The following PLXNA2 variants were observed in gnomAD, a reference collection of about 807,000 sequenced individuals.
PLXNA2 encodes the protein plexin-A2.
PLXNA2 carries 91 observed loss-of-function variants against 193.5 expected under a neutral mutation model. The ratio of observed to expected loss-of-function variants is 0.47; its 90% CI spans 0.40 to 0.56. PLXNA2 has a LOEUF of 0.56. PLXNA2 is among the 20% of genes least tolerant of loss of function. The pLI is 0.00. For synonymous variants in PLXNA2, 997 were observed against 1,027.3 expected (o/e 0.97, Z 0.56); for missense variants, 1,995 against 2,503.2 (o/e 0.80, Z 4.33).
intron 3 of PLXNA2, among the ~76,000 whole-genome samples, chr1:208,200,553 G>A (rs1446494862): frequency 6.7e-6 from 1 of 148,196 alleles, no homozygotes; most frequent in Non-Finnish European, 1.5e-5. Flanking sequence ...ATCTGCAACA[G>A]AGCAGTGAAA....
chr1:208,148,805 AG>A (rs767782685), intron 3 of PLXNA2, among the ~76,000 whole-genome samples: 1 of 152,204 alleles, frequency 6.6e-6, no homozygotes, highest in Non-Finnish European at 1.5e-5. Flanking sequence ...CCTGGCCTGA[AG>A]GAGGCCCTGA....
intron 11 of PLXNA2, among the ~76,000 whole-genome samples, chr1:208,080,109 T>C (rs903231210): frequency 1.3e-5 from 2 of 152,140 alleles, no homozygotes; most frequent in African/African-American, 4.8e-5. Context: ...AAGTGAGGAC[T>C]GTTGTCTGGC....
At chr1:208,045,841 G>T in intron 18 of PLXNA2, 37 bp downstream of exon 18, 1 of 1,609,778 alleles carries the variant, frequency 6.2e-7, no homozygotes, top group Non-Finnish European at 8.5e-7. Flanking sequence ...TGGCATTGCT[G>T]CCCCTGGTGG....
chr1:208,215,185 G>A (rs1478402879), intron 2 of PLXNA2, among the ~76,000 whole-genome samples: 4 of 152,024 alleles, frequency 2.6e-5, no homozygotes, highest in Admixed American at 6.6e-5. Flanking sequence ...TTGTAGAGAC[G>A]GAGTTTTGTC....
intron 3 of PLXNA2, among the ~76,000 whole-genome samples, chr1:208,182,007 T>G (rs145335007): frequency 2.1e-3 from 316 of 152,010 alleles, no homozygotes; most frequent in Non-Finnish European, 3.7e-3. Context: ...CAAATTGACT[T>G]AGTGTCTCTC....
At chr1:208,039,107 C>T in intron 24 of PLXNA2, 123 bp from the exon 25 acceptor site, 5 of 809,286 alleles carry the variant, frequency 6.2e-6, no homozygotes, top group Non-Finnish European at 9.6e-6. Context: ...AATAAGGGTA[C>T]TTTTCTGGTC....
At position 208,094,358 on chromosome 1, in the gene PLXNA2, A is replaced by C. The variant is rs1666808831; in HGVS notation, c.1983-1458T>G. Among the ~76,000 whole-genome samples the C allele has an allele frequency of 2.6e-5, 4 of 152,324 alleles. No homozygotes were observed. In the South Asian group the frequency reaches 8.3e-4, roughly 32 times the overall value. On this transcript the variant is annotated intron_variant, in intron 8 of 31. Transcript: ENST00000367033. ...GACTATACTTGATTCCATGAATTTT[A>C]ACTGAATTCCAGTAGAGAAGGGCAA...
At chr1:208,130,836 C>G (rs1287235142) in intron 4 of PLXNA2, among the ~76,000 whole-genome samples, 4 of 152,186 alleles carry the variant, frequency 2.6e-5, no homozygotes, top group Non-Finnish European at 4.4e-5. Flanking sequence ...ATCTGACAGA[C>G]AGCATGTGCC....
intron 3 of PLXNA2, among the ~76,000 whole-genome samples, chr1:208,201,973 A>ATTTTTTT (rs59313982): frequency 4.5e-5 from 6 of 132,624 alleles, no homozygotes; most frequent in Non-Finnish European, 4.9e-5. Flanking sequence ...CAGGGCAAGA[A>ATTTTTTT]TTTTTTTTTT....
At chr1:208,084,237 G>A in intron 10 of PLXNA2, 143 bp downstream of exon 10, 1 of 819,156 alleles carries the variant, frequency 1.2e-6, no homozygotes, top group African/African-American at 1.7e-5. Flanking sequence ...CTGGGGTGCT[G>A]GCTGGCTCCT....
Position 208,027,330 on chromosome 1 carries a change from C to G in PLXNA2, c.5598G>C (p.Gly1866=), listed in dbSNP as rs138665170. 115 of 1,612,688 alleles carry G rather than the reference C, an allele frequency of 7.1e-5. 1 individual carries two copies. In the African/African-American group the frequency reaches 1.3e-3, roughly 18 times the overall value. Residue 1866 remains glycine, a synonymous_variant, in exon 32 of 32, where the codon GGG becomes GGC. Coordinates refer to ENST00000367033, the MANE Select transcript of PLXNA2 (RefSeq NM_025179.4). ...YVSKYSEELI[G]ALEQDEQARR... ...GTGCCTGCTCATCCTGCTCTAGGGCCCCGATGAGCTGAGGAGCAAAAACAA... is the reference window on the plus strand; with the variant it reads ...GTGCCTGCTCATCCTGCTCTAGGGCGCCGATGAGCTGAGGAGCAAAAACAA...
At chr1:208,092,677 G>T in intron 9 of PLXNA2, 109 bp downstream of exon 9, 1 of 669,150 alleles carries the variant, frequency 1.5e-6, no homozygotes, top group African/African-American at 1.8e-5. Flanking sequence ...AGACGGCCAA[G>T]ATGGGCCAGG....
At chr1:208,139,878 C>T (rs1043144877) in intron 4 of PLXNA2, among the ~76,000 whole-genome samples, 1 of 152,154 alleles carries the variant, frequency 6.6e-6, no homozygotes, top group Non-Finnish European at 1.5e-5. Flanking sequence ...CTGGTGAAGT[C>T]ACCTGGCTAC....
At chr1:208,099,776 G>A (rs1667033598) in intron 5 of PLXNA2, among the ~76,000 whole-genome samples, 1 of 151,854 alleles carries the variant, frequency 6.6e-6, no homozygotes, top group Non-Finnish European at 1.5e-5. Context: ...TCACCATCTT[G>A]GCCAGGATGG....
chr1:208,181,572 C>T (rs1172216467), intron 3 of PLXNA2, among the ~76,000 whole-genome samples: 1 of 152,214 alleles, frequency 6.6e-6, no homozygotes, highest in African/African-American at 2.4e-5. Context: ...TGTTTGCTTC[C>T]CTCCTCCCTA....
chr1:208,200,414 T>A lies in PLXNA2; in HGVS notation c.1371+9866A>T, dbSNP rs190014763. ...GCTTGATCATCTTGGGCTACACAAG[T>A]GACTTAGGTATATGCTGGGCCCATC... On this transcript the variant is annotated intron_variant, in intron 3 of 31. Transcript: ENST00000367033. Among the ~76,000 whole-genome samples, 389 of 152,264 alleles carry A rather than the reference T, an allele frequency of 2.6e-3. 3 individuals are homozygous for A. Among genetic ancestry groups the A allele is most frequent in the Non-Finnish European group, 2.8e-3 (191 of 68,020 alleles).
intron 1 of PLXNA2, among the ~76,000 whole-genome samples, chr1:208,229,947 C>G (rs1558256856): frequency 6.6e-6 from 1 of 152,302 alleles, no homozygotes; most frequent in East Asian, 1.9e-4. Flanking sequence ...GGAGACGGAC[C>G]TGGGCTCAAG....
chr1:208,117,431 A>G (rs1160333944), intron 4 of PLXNA2, among the ~76,000 whole-genome samples: 1 of 152,108 alleles, frequency 6.6e-6, no homozygotes, highest in Non-Finnish European at 1.5e-5. Flanking sequence ...CTTGCAGCAG[A>G]TGTGGACACC....
chr1:208,031,199 G>A (rs1558154141), intron 29 of PLXNA2: 8 of 1,039,664 alleles, frequency 7.7e-6, no homozygotes, highest in Non-Finnish European at 9.3e-6. Context: ...CACTCAGAAT[G>A]CCCCACGATG....
Sources: allele counts gnomAD v4.1 joint callset (sites outside exome capture counted in the v4.1 genomes callset), GRCh38; gene constraint gnomAD v4.1.1; transcripts MANE v1.5; gene names NCBI Gene and HGNC (gene_info 2026-07-23, HGNC 2026-07-21).